UST: variants seen among roughly 807,000 people sequenced by gnomAD.
The protein encoded by UST is chondroitin sulfate 2-O-sulfotransferase.
UST carries 21 observed loss-of-function variants against 45.6 expected under a neutral mutation model. The ratio of observed to expected loss-of-function variants is 0.46; its 90% CI spans 0.33 to 0.66. The LOEUF (loss-of-function observed/expected upper bound fraction) is 0.66, where lower values mean the gene tolerates loss of function less well. Ranked by LOEUF, UST falls within the 30% of genes least tolerant of loss-of-function variation. The pLI is 0.02. For synonymous variants in UST, 215 were observed against 200.6 expected (o/e 1.07, Z -0.61); for missense variants, 463 against 512.4 (o/e 0.90, Z 0.93).
chr6:148,946,739 G>C (rs1294176226), intron 3 of UST, among the ~76,000 whole-genome samples: 1 of 136,320 alleles, frequency 7.3e-6, no homozygotes, highest in Non-Finnish European at 1.5e-5. Context: ...GCCTGAACCT[G>C]GGAGGTGGAG....
At chr6:148,949,306 A>G (rs56171828) in intron 3 of UST, among the ~76,000 whole-genome samples, 13 of 110,426 alleles carry the variant, frequency 1.2e-4, no homozygotes, top group South Asian at 8.2e-4. Context: ...AATAATAATA[A>G]TAATAATAAT....
chr6:148,879,941 C>CTTTTTTTTTTTTT (rs767195786), intron 1 of UST, among the ~76,000 whole-genome samples: 3 of 109,912 alleles, frequency 2.7e-5, no homozygotes, highest in African/African-American at 6.9e-5. Context: ...TTTCTTTTTT[C>CTTTTTTTTTTTTT]TTTTTTTTTT....
rs114854024 is a variant in UST at position 148,985,456 on chromosome 6, G to A, written c.681+20893G>A. Among the ~76,000 whole-genome samples the A allele has an allele frequency of 5.8e-3, 888 of 152,226 alleles. 7 individuals are homozygous for A. Among genetic ancestry groups the A allele is most frequent in the African/African-American group, 0.02 (826 of 41,514 alleles). On this transcript the variant is annotated intron_variant, in intron 5 of 7. Transcript: ENST00000367463. ...GAAGAGTACAATATAGAGGTGTGGT[G>A]GTGTCAGAGAATCAGAGGAAAAAAG...
At chr6:148,970,637 T>C (rs555929892) in intron 5 of UST, among the ~76,000 whole-genome samples, 21 of 152,234 alleles carry the variant, frequency 1.4e-4, no homozygotes, top group African/African-American at 5.1e-4. Flanking sequence ...CCAGGCCCCA[T>C]GGGAAGCACA....
intron 5 of UST, among the ~76,000 whole-genome samples, chr6:149,016,291 T>G (rs1482114958): frequency 6.6e-6 from 1 of 152,234 alleles, no homozygotes; most frequent in Non-Finnish European, 1.5e-5. Context: ...ATTTGTGGAT[T>G]CCAATAGGGA....
intron 5 of UST, among the ~76,000 whole-genome samples, chr6:148,974,320 A>T (rs921764990): frequency 9.5e-5 from 1 of 10,540 alleles, no homozygotes; most frequent in South Asian, 3.5e-3. Flanking sequence ...TTATAATATT[A>T]AAAAAAAAAA....
intron 2 of UST, among the ~76,000 whole-genome samples, chr6:148,925,476 A>C (rs557936505): frequency 1.3e-5 from 2 of 152,352 alleles, no homozygotes; most frequent in East Asian, 1.9e-4. Flanking sequence ...AAAACCTTTA[A>C]AGTTTATAGT....
chr6:149,069,487 G>GATTA (rs1313964959), intron 7 of UST, among the ~76,000 whole-genome samples: 2 of 152,186 alleles, frequency 1.3e-5, no homozygotes, highest in Non-Finnish European at 2.9e-5. Context: ...TTTCCTTGAT[G>GATTA]ATTAGCATGT....
chr6:148,801,899 T>G (rs1777063901), intron 1 of UST, among the ~76,000 whole-genome samples: 2 of 152,230 alleles, frequency 1.3e-5, no homozygotes, highest in Admixed American at 1.3e-4. Flanking sequence ...AGTTGAAGTT[T>G]GAAGATTTGG....
At chr6:148,944,106 T>C (rs1203071372) in intron 3 of UST, among the ~76,000 whole-genome samples, 2 of 152,200 alleles carry the variant, frequency 1.3e-5, no homozygotes, top group East Asian at 3.8e-4. Context: ...GTGGTATGAA[T>C]AGCTCCTTTT....
intron 1 of UST, among the ~76,000 whole-genome samples, chr6:148,813,032 T>A (rs1338321795): frequency 1.3e-5 from 2 of 152,264 alleles, no homozygotes; most frequent in Non-Finnish European, 1.5e-5. Context: ...TTTTTCATGT[T>A]AAGGTATTCA....
At chr6:149,064,818 C>T (rs1345124770) in intron 7 of UST, among the ~76,000 whole-genome samples, 2 of 151,998 alleles carry the variant, frequency 1.3e-5, no homozygotes, top group Admixed American at 6.6e-5. Flanking sequence ...AGAATGTAGC[C>T]GCCCTTTGAG....
intron 7 of UST, among the ~76,000 whole-genome samples, chr6:149,058,911 A>G (rs1396815027): frequency 2.0e-5 from 3 of 152,200 alleles, no homozygotes; most frequent in Admixed American, 1.3e-4. Flanking sequence ...CACGTAGCAC[A>G]TACTTTCAAA....
rs1229563022 is a variant in UST at position 149,038,191 on chromosome 6, G to A, written c.937+16710G>A. ...CACTTGTTCACATCTCTGTTAGGTA[G>A]TGTTGTGAATCCCCTAACGTTACCC... On this transcript the variant is annotated intron_variant, in intron 7 of 7. Coordinates refer to ENST00000367463, the MANE Select transcript of UST (RefSeq NM_005715.3). Among the ~76,000 whole-genome samples, 5 of 151,930 alleles carry A rather than the reference G, an allele frequency of 3.3e-5. 1 individual carries two copies. The highest frequency in any genetic ancestry group is 6.6e-5 in the Admixed American group (1 of 15,236).
At chr6:148,939,838 A>G (rs1413003947) in intron 2 of UST, among the ~76,000 whole-genome samples, 1 of 152,194 alleles carries the variant, frequency 6.6e-6, no homozygotes, top group Non-Finnish European at 1.5e-5. Context: ...CACCAAAACC[A>G]AAACAACCAG....
At chr6:148,806,194 A>G (rs993896264) in intron 1 of UST, among the ~76,000 whole-genome samples, 2 of 151,990 alleles carry the variant, frequency 1.3e-5, no homozygotes, top group Admixed American at 1.3e-4. Context: ...TTTTGAGGAG[A>G]ATATTGAATT....
intron 1 of UST, among the ~76,000 whole-genome samples, chr6:148,814,319 C>T (rs1352487932): frequency 6.6e-6 from 1 of 152,076 alleles, no homozygotes; most frequent in Non-Finnish European, 1.5e-5. Context: ...TTCTCTGCCC[C>T]CTTCTGCTTT....
intron 1 of UST, among the ~76,000 whole-genome samples, chr6:148,763,215 A>G (rs1052409071): frequency 3.3e-5 from 5 of 152,168 alleles, no homozygotes; most frequent in East Asian, 1.9e-4. Context: ...GTGAGATGGT[A>G]TCTCATTGTG....
At chr6:148,804,613 T>C (rs1016826624) in intron 1 of UST, among the ~76,000 whole-genome samples, 9 of 152,170 alleles carry the variant, frequency 5.9e-5, no homozygotes, top group African/African-American at 9.7e-5. Context: ...GGGGGAGAAG[T>C]CAAGCTGGAA....
Sources: gnomAD v4.1 joint callset for allele counts (sites outside exome capture counted in the v4.1 genomes callset) on GRCh38, gnomAD v4.1.1 for gene constraint, MANE v1.5 for transcripts, NCBI Gene and HGNC (gene_info 2026-07-23, HGNC 2026-07-21) for gene names.